ZRANB3: variants seen among roughly 807,000 people sequenced by gnomAD.
ZRANB3 encodes DNA annealing helicase and endonuclease ZRANB3.
ZRANB3 carries 125 observed loss-of-function variants against 133.8 expected under a neutral mutation model. The ratio of observed to expected loss-of-function variants is 0.93; its 90% CI spans 0.81 to 1.08. The LOEUF (loss-of-function observed/expected upper bound fraction) is 1.08, where lower values mean the gene tolerates loss of function less well. Ranked by LOEUF, ZRANB3 falls within the 50% of genes least tolerant of loss-of-function variation. The pLI is 0.00. For missense variants in ZRANB3, 1,229 were observed against 1,275.5 expected, an observed-to-expected ratio of 0.96 and a Z score of 0.56; for synonymous variants, 387 against 432.7, an observed-to-expected ratio of 0.89 and a Z score of 1.31.
intron 6 of ZRANB3, among the ~76,000 whole-genome samples, chr2:135,339,535 T>C (rs1394135673): frequency 2.0e-5 from 3 of 151,858 alleles, no homozygotes; most frequent in Admixed American, 6.6e-5. Flanking sequence ...TGAGCCATGA[T>C]TGTGCCACTG....
At chr2:135,482,350 T>A (rs2104794879) in intron 2 of ZRANB3, among the ~76,000 whole-genome samples, 1 of 140,700 alleles carries the variant, frequency 7.1e-6, no homozygotes, top group Non-Finnish European at 1.5e-5. Flanking sequence ...TAAGTTGGAT[T>A]CCTAGGTATT....
rs202037899 is a variant in ZRANB3, at chr2:135,236,525, C to T, written c.1540-5598G>A. Among the ~76,000 whole-genome samples the T allele has an allele frequency of 7.1e-4, 108 of 152,252 alleles. 1 individual carries two copies. The East Asian group carries it at 0.018, about 25-fold the overall frequency. On this transcript the variant is annotated intron_variant, in intron 12 of 20. Transcript: ENST00000264159. ...AACAAAGCTGGAGGCATCACACTAC[C>T]TGACTTCAAGCTATACTACAAAGCT...
intron 1 of ZRANB3, among the ~76,000 whole-genome samples, chr2:135,517,081 T>C (rs550305968): frequency 6.6e-6 from 1 of 152,024 alleles, no homozygotes; most frequent in South Asian, 2.1e-4. Flanking sequence ...GATATTTGTG[T>C]ATGATTCACA....
intron 1 of ZRANB3, among the ~76,000 whole-genome samples, chr2:135,507,295 G>A (rs1316877159): frequency 2.6e-5 from 4 of 151,148 alleles, no homozygotes; most frequent in Non-Finnish European, 5.9e-5. Context: ...GATAAGAAGT[G>A]GAAATGTTGG....
At chr2:135,439,046 C>T (rs955140089) in intron 2 of ZRANB3, among the ~76,000 whole-genome samples, 12 of 152,058 alleles carry the variant, frequency 7.9e-5, no homozygotes, top group African/African-American at 2.7e-4. Flanking sequence ...GTTATATTAT[C>T]TGTATTTGCT....
chr2:135,328,182 A>C (rs1404747362), intron 6 of ZRANB3, among the ~76,000 whole-genome samples: 1 of 152,026 alleles, frequency 6.6e-6, no homozygotes, highest in Non-Finnish European at 1.5e-5. Context: ...CGTCATTTAC[A>C]TTAGGTATTT....
intron 2 of ZRANB3, among the ~76,000 whole-genome samples, chr2:135,485,721 G>A (rs1368681575): frequency 6.6e-6 from 1 of 152,182 alleles, no homozygotes; most frequent in Non-Finnish European, 1.5e-5. Flanking sequence ...GTTTCACAGT[G>A]TATATTAAAG....
At chr2:135,305,445 A>T (rs2104813670) in intron 8 of ZRANB3, among the ~76,000 whole-genome samples, 1 of 152,368 alleles carries the variant, frequency 6.6e-6, no homozygotes. Flanking sequence ...GTTTTAAAAC[A>T]ATCCATTCAG....
chr2:135,301,235 G>T (rs572313763), intron 8 of ZRANB3, among the ~76,000 whole-genome samples: 1 of 151,154 alleles, frequency 6.6e-6, no homozygotes, highest in South Asian at 2.1e-4. Context: ...GCCCAGGTTG[G>T]AGTGCAGTGG....
intron 12 of ZRANB3, among the ~76,000 whole-genome samples, chr2:135,241,084 C>G (rs1256207777): frequency 6.6e-6 from 1 of 152,054 alleles, no homozygotes. Flanking sequence ...ACTTAAGATA[C>G]CTTATTAATT....
At chr2:135,328,040 A>C (rs1683925843) in intron 6 of ZRANB3, among the ~76,000 whole-genome samples, 1 of 151,874 alleles carries the variant, frequency 6.6e-6, no homozygotes, top group Non-Finnish European at 1.5e-5. Flanking sequence ...GTTGACTTTT[A>C]ATTTTTTTTT....
chr2:135,501,701 C>T (rs1181465965), intron 2 of ZRANB3, among the ~76,000 whole-genome samples: 1 of 152,150 alleles, frequency 6.6e-6, no homozygotes, highest in Non-Finnish European at 1.5e-5. Flanking sequence ...TTTGATGACA[C>T]TGAATCCTTT....
chr2:135,428,774 T>C (rs1689198271), intron 2 of ZRANB3, among the ~76,000 whole-genome samples: 1 of 152,196 alleles, frequency 6.6e-6, no homozygotes, highest in South Asian at 2.1e-4. Flanking sequence ...CCAATAAGCA[T>C]ATGCAAAAAT....
At chr2:135,251,224 G>A (rs1679378389) in intron 12 of ZRANB3, among the ~76,000 whole-genome samples, 1 of 152,100 alleles carries the variant, frequency 6.6e-6, no homozygotes, top group South Asian at 2.1e-4. Flanking sequence ...TCTTCCATTT[G>A]GAATAGCTGT....
At chr2:135,246,039 C>CTTTTT (rs569950745) in intron 12 of ZRANB3, among the ~76,000 whole-genome samples, 23 of 100,414 alleles carry the variant, frequency 2.3e-4, no homozygotes, top group South Asian at 3.4e-4. Context: ...TTCTTTCTTT[C>CTTTTT]TTTTTTTTTT....
intron 3 of ZRANB3, among the ~76,000 whole-genome samples, chr2:135,374,333 G>A (rs907399644): frequency 4.6e-5 from 7 of 152,022 alleles, no homozygotes; most frequent in Admixed American, 2.6e-4. Flanking sequence ...TTGAACCCAG[G>A]ATTGGGAGGC....
At chr2:135,267,029 G>A (rs1680281568) in intron 11 of ZRANB3, among the ~76,000 whole-genome samples, 1 of 152,146 alleles carries the variant, frequency 6.6e-6, no homozygotes, top group Non-Finnish European at 1.5e-5. Context: ...TAAGGCACAA[G>A]TTCTCAGAAT....
intron 8 of ZRANB3, 41 bp downstream of exon 8, chr2:135,313,448 T>A: frequency 7.7e-7 from 1 of 1,306,564 alleles, no homozygotes; most frequent in Non-Finnish European, 1.1e-6. Flanking sequence ...CATTGAATAA[T>A]TTGTATGAAG....
chr2:135,396,011 G>A (rs1361852391), intron 2 of ZRANB3, among the ~76,000 whole-genome samples: 1 of 152,136 alleles, frequency 6.6e-6, no homozygotes, highest in African/African-American at 2.4e-5. Flanking sequence ...ATGGACAAAA[G>A]ATCTGAATAG....
Sources: gnomAD v4.1 joint callset for allele counts (sites outside exome capture counted in the v4.1 genomes callset) on GRCh38, gnomAD v4.1.1 for gene constraint, MANE v1.5 for transcripts, NCBI Gene and HGNC (gene_info 2026-07-23, HGNC 2026-07-21) for gene names.